ITGA1: variants seen among roughly 807,000 people sequenced by gnomAD.
ITGA1 encodes the protein integrin subunit alpha 1, also known as integrin alpha-1.
A neutral mutation model predicts 145.9 loss-of-function variants in ITGA1; 85 were observed. The observed-to-expected ratio is 0.58, with a 90% CI of 0.49 to 0.70. The LOEUF is 0.70. Ranked by LOEUF, ITGA1 falls within the 30% of genes least tolerant of loss-of-function variation. The pLI is 0.00. For missense variants in ITGA1, 1,351 were observed against 1,418.7 expected (o/e 0.95, Z 0.77); for synonymous variants, 520 against 495.3 (o/e 1.05, Z -0.66).
chr5:52,944,900 G>A, intron 26 of ITGA1, 43 bp from the exon 27 acceptor site: 1 of 1,322,678 alleles, frequency 7.6e-7, no homozygotes, highest in South Asian at 1.2e-5. Flanking sequence ...CTCTCATTTT[G>A]ATTAGCATCA....
At chr5:52,891,453 G>A (rs1276919973) in intron 8 of ITGA1, among the ~76,000 whole-genome samples, 5 of 144,496 alleles carry the variant, frequency 3.5e-5, no homozygotes, top group African/African-American at 1.3e-4. Context: ...TTCATTTTTT[G>A]TTATTGTTAT....
chr5:52,842,485 C>T (rs1488473606), intron 1 of ITGA1, among the ~76,000 whole-genome samples: 1 of 152,144 alleles, frequency 6.6e-6, no homozygotes, highest in Non-Finnish European at 1.5e-5. Flanking sequence ...GAAAAATCAA[C>T]TGCCAAATGG....
intron 6 of ITGA1, among the ~76,000 whole-genome samples, chr5:52,880,674 C>G (rs1336891384): frequency 2.0e-5 from 3 of 152,214 alleles, no homozygotes; most frequent in African/African-American, 7.2e-5. Flanking sequence ...ACTTCACCAA[C>G]AGGCAAAGTA....
intron 6 of ITGA1, among the ~76,000 whole-genome samples, chr5:52,874,860 A>G (rs146125332): frequency 6.6e-6 from 1 of 152,340 alleles, no homozygotes; most frequent in African/African-American, 2.4e-5. Flanking sequence ...AAAACACAGA[A>G]CAATTAGTTG....
chr5:52,815,974 C>T (rs1748761773), intron 1 of ITGA1, among the ~76,000 whole-genome samples: 1 of 152,106 alleles, frequency 6.6e-6, no homozygotes, highest in Admixed American at 6.5e-5. Context: ...GAATAACATA[C>T]AGCAGGGAGA....
chr5:52,912,001 T>G lies in ITGA1; in HGVS notation c.1857+1582T>G, dbSNP rs867172321. On this transcript the variant is annotated intron_variant, in intron 14 of 28. Coordinates refer to ENST00000282588, the MANE Select transcript of ITGA1 (RefSeq NM_181501.2). ...ATATACTATATGTATAGTGTGTATC[T>G]ACTATATATACTATATGTATAGTGT... Among the ~76,000 whole-genome samples, 207 of 96,318 alleles carry G rather than the reference T, an allele frequency of 2.1e-3. 7 individuals are homozygous for G. The highest frequency in any genetic ancestry group is 7.9e-3 in the African/African-American group (195 of 24,636). The allele number at this position is 96,318 out of a possible 152,430, so 63.2% of individuals were successfully genotyped here. A position where few individuals can be genotyped will look rare whatever the true frequency, so the allele number is the denominator to read the frequency against.
At chr5:52,794,517 A>ACACG (rs1748302544) in intron 1 of ITGA1, among the ~76,000 whole-genome samples, 1 of 151,182 alleles carries the variant, frequency 6.6e-6, no homozygotes, top group Admixed American at 6.6e-5. Context: ...ACACACACAC[A>ACACG]CACACACACA....
chr5:52,801,692 AAG>A, intron 1 of ITGA1: 1 of 1,614,216 alleles, frequency 6.2e-7, no homozygotes, highest in Non-Finnish European at 8.5e-7. Flanking sequence ...GACAGTGTGA[AAG>A]AGAATGCAGG....
chr5:52,887,986 A>G (rs375467576), intron 8 of ITGA1, 21 bp downstream of exon 8: 35 of 1,605,476 alleles, frequency 2.2e-5, no homozygotes, highest in Non-Finnish European at 3.0e-5. Flanking sequence ...TGCCGGAGAT[A>G]TTTTCAAACT....
Position 52,932,061 on chromosome 5 carries a change from CT to C in ITGA1, c.2787del (p.Pro930LeufsTer8). On this transcript the variant is annotated frameshift_variant, in exon 22 of 29. Coordinates refer to ENST00000282588, the MANE Select transcript of ITGA1 (RefSeq NM_181501.2). LOFTEE classifies it high-confidence loss of function. ...GTATTTTCTAGTGACAGCGAAGAAC[CT>C]CCTGAAACCCTTTCTGATAATGTAG... is the stretch of plus-strand genomic sequence containing the variant. The part of the protein sequence containing the change: ...YLSATSDSEE[P>X]PETLSDNVVN... The C allele has an allele frequency of 6.2e-7, 1 of 1,605,602 alleles. No homozygotes were observed. The highest frequency in any genetic ancestry group is 8.5e-7 in the Non-Finnish European group (1 of 1,172,968).
intron 18 of ITGA1, among the ~76,000 whole-genome samples, chr5:52,924,967 T>TC (rs1488131241): frequency 2.0e-5 from 3 of 152,228 alleles, no homozygotes; most frequent in Non-Finnish European, 2.9e-5. Flanking sequence ...TAGATTTAGA[T>TC]CTTGCAGTAC....
intron 1 of ITGA1, among the ~76,000 whole-genome samples, chr5:52,847,310 T>C (rs1749352944): frequency 6.6e-6 from 1 of 152,178 alleles, no homozygotes; most frequent in Non-Finnish European, 1.5e-5. Flanking sequence ...ATTTAAAGAT[T>C]ATAAATTAGA....
intron 1 of ITGA1, chr5:52,800,329 C>T (rs1748441887): frequency 6.3e-7 from 1 of 1,584,128 alleles, no homozygotes; most frequent in African/African-American, 1.3e-5. Flanking sequence ...CCCATCCCCT[C>T]TCCCGGGGCG....
At chr5:52,881,438 C>G (rs903120888) in intron 6 of ITGA1, among the ~76,000 whole-genome samples, 2 of 152,138 alleles carry the variant, frequency 1.3e-5, no homozygotes, top group African/African-American at 4.8e-5. Context: ...AGTCTGGCCT[C>G]TAGATTATAT....
At chr5:52,850,833 A>G (rs1280585050) in intron 2 of ITGA1, among the ~76,000 whole-genome samples, 1 of 152,004 alleles carries the variant, frequency 6.6e-6, no homozygotes, top group African/African-American at 2.4e-5. Context: ...CCATTCCCCA[A>G]TTTTTAAGGT....
intron 7 of ITGA1, 108 bp downstream of exon 7, chr5:52,882,129 C>A: frequency 1.1e-6 from 1 of 942,312 alleles, no homozygotes; most frequent in Non-Finnish European, 1.5e-6. Context: ...TATTTAAAGC[C>A]ATTTTGTTTA....
chr5:52,800,409 G>A, intron 1 of ITGA1: 1 of 1,613,980 alleles, frequency 6.2e-7, no homozygotes, highest in Non-Finnish European at 8.5e-7. Context: ...AGCTCGTGAG[G>A]AAGAACATCG....
rs945246821 is a variant in ITGA1, at chr5:52,958,928, C to A, written c.*6477C>A. 6.6e-6 allele frequency: 1 copy of A among 152,182 alleles called. No homozygotes were observed. The highest frequency in any genetic ancestry group is 2.1e-4 in the South Asian group (1 of 4,826). The allele number at this position is 152,182 out of a possible 1,614,324, so 9.4% of individuals were successfully genotyped here. On this transcript the variant is annotated 3_prime_UTR_variant, in exon 29 of 29. Transcript: ENST00000282588. Reference sequence around the variant, plus strand: ...GCATTCAGGAACAAAGAAGCATAACCTTTGTTGACTCTTGTAATTTATTAT... The same window carrying A: ...GCATTCAGGAACAAAGAAGCATAACATTTGTTGACTCTTGTAATTTATTAT...
At chr5:52,800,822 A>G in intron 1 of ITGA1, 2 of 1,610,682 alleles carry the variant, frequency 1.2e-6, no homozygotes, top group Non-Finnish European at 1.7e-6. Flanking sequence ...GTGGTCATGC[A>G]GGAAGGCCTC....
Sources: gnomAD v4.1 joint callset for allele counts (sites outside exome capture counted in the v4.1 genomes callset) on GRCh38, gnomAD v4.1.1 for gene constraint, MANE v1.5 for transcripts, NCBI Gene and HGNC (gene_info 2026-07-23, HGNC 2026-07-21) for gene names.